The following SLC2A7 variants were observed in gnomAD, a reference collection of about 807,000 sequenced individuals.
The protein encoded by SLC2A7 is solute carrier family 2, facilitated glucose transporter member 7.
In SLC2A7, 50 loss-of-function variants were observed where a neutral mutation model predicts 50.5. The ratio of observed to expected loss-of-function variants is 0.99; its 90% CI spans 0.79 to 1.25. The LOEUF (loss-of-function observed/expected upper bound fraction) is 1.25, where lower values mean the gene tolerates loss of function less well. Among genes scored for constraint, SLC2A7 ranks in the 50% most tolerant of loss-of-function variants. SLC2A7 has a pLI of 0.00. For missense variants in SLC2A7, 683 were observed against 679.1 expected (o/e 1.01, Z -0.06); for synonymous variants, 308 against 300.4 (o/e 1.03, Z -0.26).
Position 9,014,791 on chromosome 1 carries a change from C to T in SLC2A7, c.793G>A (p.Ala265Thr), listed in dbSNP as rs756277044. 1.8e-5 allele frequency: 29 copies of T among 1,600,902 alleles called. No homozygotes were observed. Among genetic ancestry groups the T allele is most frequent in the East Asian group, 1.1e-4 (5 of 44,182 alleles). The change falls in exon 7 of 12, where the codon GCC becomes ACC. Residue 265 changes from alanine (A) to threonine (T), a missense_variant. By Grantham distance (58) the Ala-to-Thr change is moderately conservative. Coordinates refer to ENST00000400906, the MANE Select transcript of SLC2A7 (RefSeq NM_207420.3). Reference sequence around the variant, plus strand: ...TGCAGCACAGACAGGTGGCCCTCGGCGCGCTCGGCCCGGGCCTCCGCACGC... The same window carrying T: ...TGCAGCACAGACAGGTGGCCCTCGGTGCGCTCGGCCCGGGCCTCCGCACGC... Reference protein sequence around the residue: ...DMRAEARAERAEGHLSVLHLC... With the variant: ...DMRAEARAERTEGHLSVLHLC...
Position 9,003,220 on chromosome 1 carries a change from T to TC in SLC2A7, c.*79dup. The TC allele has an allele frequency of 1.5e-6, 2 of 1,340,870 alleles. No individual in the cohort carries two copies. The highest frequency in any genetic ancestry group is 2.1e-6 in the Non-Finnish European group (2 of 962,164). 83.1% of individuals were successfully genotyped at this position (1,340,870 alleles called of 1,614,324 possible). ...GACAAAAGCCTCCGTGCTATTATCC[T>TC]CCCCAGAGCCTGGGGCCGGGAGGCC... On this transcript the variant is annotated 3_prime_UTR_variant, in exon 12 of 12. Coordinates refer to ENST00000400906, the MANE Select transcript of SLC2A7 (RefSeq NM_207420.3).
At chr1:9,000,384 C>T (rs969908508), downstream of SLC2A7, among the ~76,000 whole-genome samples, 2 of 151,566 alleles carry the variant, frequency 1.3e-5, no homozygotes, top group Non-Finnish European at 2.9e-5. Flanking sequence ...TTTGGGAGGC[C>T]GAGACAGATG....
At chr1:9,024,635 A>C (rs1206390934) in intron 2 of SLC2A7, among the ~76,000 whole-genome samples, 1 of 152,132 alleles carries the variant, frequency 6.6e-6, no homozygotes, top group Non-Finnish European at 1.5e-5. Context: ...CACAGAGTTC[A>C]ATCTTTGACC....
At chr1:9,012,121 C>T (rs1225647180) in intron 8 of SLC2A7, among the ~76,000 whole-genome samples, 1 of 152,128 alleles carries the variant, frequency 6.6e-6, no homozygotes, top group Non-Finnish European at 1.5e-5. Flanking sequence ...CCCTGTACAG[C>T]CCCTTGACTC....
At chr1:9,026,196 G>A (rs565796691) in intron 1 of SLC2A7, 99 bp downstream of exon 1, 20 of 1,312,802 alleles carry the variant, frequency 1.5e-5, no homozygotes, top group African/African-American at 4.4e-5. Flanking sequence ...CACGCTACCC[G>A]CTCCTTGCTA....
chr1:9,025,759 G>A (rs1344680595), intron 1 of SLC2A7, among the ~76,000 whole-genome samples: 1 of 152,206 alleles, frequency 6.6e-6, no homozygotes, highest in East Asian at 1.9e-4. Context: ...GCTTGGAGGG[G>A]AACTGGCCTG....
chr1:8,996,718 C>T, the SLC2A7 span, among the ~76,000 whole-genome samples: 1 of 152,112 alleles, frequency 6.6e-6, no homozygotes, highest in African/African-American at 2.4e-5. Context: ...GGCATCCTAA[C>T]AAGATGTGCA....
At chr1:9,010,008 G>A in intron 9 of SLC2A7, 135 bp downstream of exon 9, 1 of 736,222 alleles carries the variant, frequency 1.4e-6, no homozygotes, top group Non-Finnish European at 2.3e-6. Flanking sequence ...GCATTGCAAA[G>A]TACTTTTCCA....
intron 10 of SLC2A7, 132 bp downstream of exon 10, chr1:9,007,178 G>A (rs1640664473): frequency 2.0e-6 from 2 of 1,003,840 alleles, no homozygotes; most frequent in Admixed American, 1.9e-5. Context: ...AACTAAGAAC[G>A]TGTGGGATCT....
At chr1:9,011,746 C>CTTTTTTTTT (rs34758810) in intron 8 of SLC2A7, among the ~76,000 whole-genome samples, 8 of 93,228 alleles carry the variant, frequency 8.6e-5, no homozygotes, top group South Asian at 3.9e-4. Flanking sequence ...TCTTCTTCTT[C>CTTTTTTTTT]TTTTTTTTTT....
At chr1:9,007,622 A>G (rs1261926324) in intron 9 of SLC2A7, among the ~76,000 whole-genome samples, 9 of 152,216 alleles carry the variant, frequency 5.9e-5, no homozygotes, top group Admixed American at 4.6e-4. Context: ...AACGAGGGGC[A>G]TCTACCTTTG....
chr1:8,999,832 T>C (rs1222132231), downstream of SLC2A7, among the ~76,000 whole-genome samples: 1 of 152,198 alleles, frequency 6.6e-6, no homozygotes, highest in East Asian at 1.9e-4. Flanking sequence ...TGCTGGGGAC[T>C]CAGTCGTTGG....
intron 1 of SLC2A7, 144 bp from the exon 2 acceptor site, chr1:9,025,218 G>A: frequency 1.3e-6 from 1 of 796,280 alleles, no homozygotes; most frequent in Non-Finnish European, 2.0e-6. Context: ...AGGAGGAGGT[G>A]GCGCAGGGCT....
chr1:9,000,745 GGTGTGTGTGTGTGTGTGTGT>G (rs56985979), downstream of SLC2A7, among the ~76,000 whole-genome samples: 2 of 142,092 alleles, frequency 1.4e-5, no homozygotes, highest in Non-Finnish European at 1.5e-5. Flanking sequence ...TGACTTTCCT[GGTGTGTGTGTGTGTGTGTGT>G]GTGTGTGTGT....
chr1:9,008,750 C>A lies in SLC2A7; in HGVS notation c.1117-1365G>T, dbSNP rs1490752519. Among the ~76,000 whole-genome samples the A allele has an allele frequency of 6.6e-6, 1 of 152,124 alleles. No individual in the cohort carries two copies. Among genetic ancestry groups the A allele is most frequent in the Non-Finnish European group, 1.5e-5 (1 of 68,026 alleles). ...TAACTGGGATTACAGGCACACGCCA[C>A]CACACCCGACTAAATTTTGTATTTT... On this transcript the variant is annotated intron_variant, in intron 9 of 11. Transcript: ENST00000400906. This position sits in a 1 kb window ranked among gnomAD's most constrained non-coding sequence, Gnocchi z 5.9.
intron 2 of SLC2A7, among the ~76,000 whole-genome samples, chr1:9,023,835 CTTCTTTTT>C (rs1640953116): frequency 1.2e-4 from 8 of 65,976 alleles, no homozygotes; most frequent in African/African-American, 3.4e-4. Context: ...AAATATTCTT[CTTCTTTTT>C]TTTTTTTTTT....
In SLC2A7 at chr1:9,020,775, T is replaced by G. The variant is rs147300037; in HGVS notation, c.312-1442A>C. Among the ~76,000 whole-genome samples the G allele has an allele frequency of 9.9e-5, 15 of 151,836 alleles. No homozygotes were observed. In the East Asian group the frequency reaches 2.3e-3, roughly 24 times the overall value. ...AAACCTCCGTGATATGGTTTGGCTGTGTCCTCACCCAAATCTCATCTTAAA... is the reference window on the plus strand; with the variant it reads ...AAACCTCCGTGATATGGTTTGGCTGGGTCCTCACCCAAATCTCATCTTAAA... On this transcript the variant is annotated intron_variant, in intron 3 of 11. Transcript: ENST00000400906.
intron 10 of SLC2A7, 113 bp downstream of exon 10, chr1:9,007,197 A>G: frequency 8.2e-7 from 1 of 1,215,606 alleles, no homozygotes; most frequent in East Asian, 2.4e-5. Flanking sequence ...CTGCGTGAGC[A>G]CGGGGACCAA....
At chr1:9,011,007 A>T (rs964440936) in intron 8 of SLC2A7, among the ~76,000 whole-genome samples, 2 of 152,190 alleles carry the variant, frequency 1.3e-5, no homozygotes, top group Non-Finnish European at 2.9e-5. Context: ...CTGAGCTTTC[A>T]CACGCAAGGC....
Sources: gnomAD v4.1 joint callset for allele counts (sites outside exome capture counted in the v4.1 genomes callset) on GRCh38, gnomAD v4.1.1 for gene constraint, Gnocchi (gnomAD v3.1) non-coding constraint, MANE v1.5 for transcripts, NCBI Gene and HGNC (gene_info 2026-07-23, HGNC 2026-07-21) for gene names.